Variants in NCOR1 observed in about 807,000 individuals in gnomAD.
The protein encoded by NCOR1 is nuclear receptor corepressor 1.
NCOR1 carries 63 observed loss-of-function variants against 288.1 expected under a neutral mutation model. That is an observed-to-expected ratio of 0.22 (90% CI 0.18 to 0.27). The LOEUF (loss-of-function observed/expected upper bound fraction) is 0.27, where lower values mean the gene tolerates loss of function less well. Among genes scored for constraint, NCOR1 ranks in the 10% least tolerant of loss-of-function variants. The pLI is 1.00. For missense variants in NCOR1, 2,397 were observed against 3,019.2 expected (o/e 0.79, Z 4.83); for synonymous variants, 1,007 against 1,065.9 (o/e 0.94, Z 1.08).
At chr17:16,108,239 G>C (rs1426770351) in intron 19 of NCOR1, 2 of 325,720 alleles carry the variant, frequency 6.1e-6, no homozygotes, top group Non-Finnish European at 6.2e-6. Context: ...AAATAAATTA[G>C]GTATCTTTTT....
Position 16,101,619 on chromosome 17 carries a change from G to C in NCOR1, c.2321C>G (p.Pro774Arg), listed in dbSNP as rs2152997586. The change falls in exon 20 of 46, where the codon CCA becomes CGA. Residue 774 changes from proline (P) to arginine (R), a missense_variant. Coordinates refer to ENST00000268712, the MANE Select transcript of NCOR1 (RefSeq NM_006311.4). ...GGTCTCCACACTTTCATCTTCAGCT[G>C]GTTTTGTACTTGGAACTGCTAAGGA... ...SPSLAVPSTKPAEDESVETQV... is the reference protein window; with the variant it reads ...SPSLAVPSTKRAEDESVETQV... 6.2e-7 allele frequency: 1 copy of C among 1,614,170 alleles called. No homozygotes were observed. The highest frequency in any genetic ancestry group is 8.5e-7 in the Non-Finnish European group (1 of 1,180,038).
Position 16,074,925 on chromosome 17 carries a change from T to C in NCOR1, c.3670+609A>G, listed in dbSNP as rs2152763193. On this transcript the variant is annotated intron_variant, in intron 27 of 45. Transcript: ENST00000268712. ...CTCTGTCGCCCAGGCTGGAGTGCAGTGGCCCAATCTCAGCTCACTGCAAGT... is the reference window on the plus strand; with the variant it reads ...CTCTGTCGCCCAGGCTGGAGTGCAGCGGCCCAATCTCAGCTCACTGCAAGT... Among the ~76,000 whole-genome samples the C allele has an allele frequency of 2.0e-5, 3 of 152,320 alleles. No individual in the cohort carries two copies. In the South Asian group the frequency reaches 6.2e-4, roughly 32 times the overall value.
rs187853241 is a variant in NCOR1 at position 16,099,350 on chromosome 17, A to T, written c.2691-854T>A. On this transcript the variant is annotated intron_variant, in intron 20 of 45. Coordinates refer to ENST00000268712, the MANE Select transcript of NCOR1 (RefSeq NM_006311.4). Reference sequence around the variant, plus strand: ...TGTCATGGTCACTGGGGGAAGGTGAACATTTAAAAATGTAGAAATTGGTAA... The same window carrying T: ...TGTCATGGTCACTGGGGGAAGGTGATCATTTAAAAATGTAGAAATTGGTAA... Among the ~76,000 whole-genome samples, 44 of 152,360 alleles carry T rather than the reference A, an allele frequency of 2.9e-4. 1 individual carries two copies. Among genetic ancestry groups the T allele is most frequent in the Non-Finnish European group, 4.6e-4 (31 of 68,038 alleles).
chr17:16,092,666 T>C (rs1371195179), intron 21 of NCOR1, among the ~76,000 whole-genome samples: 1 of 14,306 alleles, frequency 7.0e-5, no homozygotes, highest in African/African-American at 2.7e-4. Context: ...TATATATATA[T>C]ATATATATAT....
At chr17:16,175,691 C>T (rs1354990566) in intron 3 of NCOR1, among the ~76,000 whole-genome samples, 1 of 151,956 alleles carries the variant, frequency 6.6e-6, no homozygotes, top group Non-Finnish European at 1.5e-5. Flanking sequence ...AGTTTGAGAC[C>T]AGTCCAGGCA....
In NCOR1 at chr17:16,073,615, T is replaced by C; in HGVS notation, c.3671-46A>G. ...ACTTGCTCAGACGGAGCACATGGTA[T>C]ACAATGTACAGTAAATAGGTTAGTT... On this transcript the variant is annotated intron_variant, in intron 27 of 45. Transcript: ENST00000268712. 2.0e-6 allele frequency: 3 copies of C among 1,477,600 alleles called. No homozygotes were observed. The East Asian group carries it at 7.4e-5, about 37-fold the overall frequency. The allele number at this position is 1,477,600 out of a possible 1,614,324, so 91.5% of individuals were successfully genotyped here.
At chr17:16,123,089 T>C (rs1204512308) in intron 15 of NCOR1, among the ~76,000 whole-genome samples, 2 of 152,228 alleles carry the variant, frequency 1.3e-5, no homozygotes, top group Admixed American at 6.5e-5. Flanking sequence ...AACTACCTGC[T>C]GGAACGGCCA....
At chr17:16,068,196 A>G (rs759140153) in intron 31 of NCOR1, 75 bp from the exon 32 acceptor site, 128 of 1,205,978 alleles carry the variant, frequency 1.1e-4, no homozygotes, top group Middle Eastern at 9.5e-4. Flanking sequence ...TTTCTCAACC[A>G]TTCAAATAAA....
rs1184440315 is a variant in NCOR1 at position 16,092,695 on chromosome 17, ATT to A, written c.2821-639_2821-638del. On this transcript the variant is annotated intron_variant, in intron 21 of 45. Transcript: ENST00000268712. ...TATATATATATATATATATATATAT[ATT>A]TTTTTTTTTTTTTTTTTTTAAGACA... Among the ~76,000 whole-genome samples the A allele has an allele frequency of 4.4e-3, 100 of 22,554 alleles. 3 individuals are homozygous for A. Among genetic ancestry groups the A allele is most frequent in the Admixed American group, 5.6e-3 (6 of 1,070 alleles). 14.8% of individuals were successfully genotyped at this position (22,554 alleles called of 152,430 possible). A position where few individuals can be genotyped will look rare whatever the true frequency, so the allele number is the denominator to read the frequency against.
rs1555787614 is a variant in NCOR1, at chr17:16,181,205, A to ATGTGTGTGTGTG, written c.242+5348_242+5349insCACACACACACA. On this transcript the variant is annotated intron_variant, in intron 3 of 45. Coordinates refer to ENST00000268712, the MANE Select transcript of NCOR1 (RefSeq NM_006311.4). The stretch of plus-strand genomic sequence containing the variant: ...ATGTGATGTGTGTGTGTATACATAT[A>ATGTGTGTGTGTG]TATGTATGTGTGTGTGTGTGTGTGT... Among the ~76,000 whole-genome samples the ATGTGTGTGTGTG allele has an allele frequency of 5.0e-5, 5 of 99,068 alleles. No individual in the cohort carries two copies. The East Asian group carries it at 1.8e-3, about 36-fold the overall frequency. 65.0% of individuals were successfully genotyped at this position (99,068 alleles called of 152,430 possible).
intron 42 of NCOR1, chr17:16,044,827 T>C (rs1158457391): frequency 9.3e-6 from 10 of 1,076,306 alleles, no homozygotes; most frequent in Non-Finnish European, 1.4e-5. Context: ...GTGGACCTGC[T>C]CCAGCAGCTG....
At chr17:16,090,322 A>C (rs1449828689) in intron 22 of NCOR1, among the ~76,000 whole-genome samples, 1 of 152,148 alleles carries the variant, frequency 6.6e-6, no homozygotes, top group Non-Finnish European at 1.5e-5. Context: ...TCTTCACAAA[A>C]TCTATCCTAA....
chr17:16,146,466 C>T lies in NCOR1; in HGVS notation c.992G>A (p.Arg331Lys), dbSNP rs2153348301. 1.2e-6 allele frequency: 2 copies of T among 1,613,708 alleles called. No homozygotes were observed. Among genetic ancestry groups the T allele is most frequent in the Non-Finnish European group, 1.7e-6 (2 of 1,179,840 alleles). ...KVDRIENNPR[R>K]KAKESKTREY... is the part of the protein sequence containing the mutation. ...CCTTGTTTTGCTTTCTTTAGCTTTC[C>T]TCCGAGGATTATTTTCTATTCTGTC... Residue 331 changes from arginine (R) to lysine (K), a missense_variant, in exon 10 of 46, where the codon AGG (arginine) becomes AAG (lysine). Coordinates refer to ENST00000268712, the MANE Select transcript of NCOR1 (RefSeq NM_006311.4).
intron 1 of NCOR1, among the ~76,000 whole-genome samples, chr17:16,195,784 A>G (rs2089647063): frequency 6.6e-6 from 1 of 152,200 alleles, no homozygotes; most frequent in Admixed American, 6.5e-5. Flanking sequence ...CTGAATTTAC[A>G]GACTGACTAA....
At chr17:16,118,297 A>G (rs12449895) in intron 17 of NCOR1, among the ~76,000 whole-genome samples, 58,723 of 152,086 alleles carry the variant, frequency 0.39, 13,655 homozygotes, top group Middle Eastern at 0.52. Flanking sequence ...TCACAGGGCT[A>G]GGACAACATT....
intron 1 of NCOR1, among the ~76,000 whole-genome samples, chr17:16,209,373 TTCAG>T (rs1383097134): frequency 6.6e-6 from 1 of 152,056 alleles, no homozygotes; most frequent in Non-Finnish European, 1.5e-5. Context: ...TATGCCATGC[TTCAG>T]TATTTATGTA....
At chr17:16,138,283 G>A in intron 12 of NCOR1, 71 bp from the exon 13 acceptor site, 8 of 1,326,070 alleles carry the variant, frequency 6.0e-6, no homozygotes, top group Non-Finnish European at 7.4e-6. Flanking sequence ...AAAAACTTGG[G>A]AAAAGAAAGA....
intron 18 of NCOR1, 23 bp from the exon 19 acceptor site, chr17:16,108,935 T>C (rs759052317): frequency 5.2e-5 from 79 of 1,524,610 alleles, no homozygotes; most frequent in Non-Finnish European, 6.9e-5. Context: ...AGAGTATTAT[T>C]TGATTTAAAT....
At chr17:16,041,520 T>C (rs914364346) in intron 42 of NCOR1, among the ~76,000 whole-genome samples, 2 of 148,218 alleles carry the variant, frequency 1.3e-5, no homozygotes, top group African/African-American at 2.5e-5. Flanking sequence ...TTCAAGCAGT[T>C]CTCCTGCCTC....
Sources: allele counts gnomAD v4.1 joint callset (sites outside exome capture counted in the v4.1 genomes callset), GRCh38; gene constraint gnomAD v4.1.1; transcripts MANE v1.5; gene names NCBI Gene and HGNC (gene_info 2026-07-23, HGNC 2026-07-21).